Variants in CDH13 observed in about 807,000 individuals in gnomAD.
CDH13 encodes the protein cadherin 13.
Under a neutral mutation model 63.8 loss-of-function variants are expected in CDH13, and 24 were observed. The ratio of observed to expected loss-of-function variants is 0.38; its 90% CI spans 0.27 to 0.53. The LOEUF (loss-of-function observed/expected upper bound fraction) is 0.53. Among genes scored for constraint, CDH13 ranks in the 20% least tolerant of loss-of-function variants. CDH13 has a pLI of 0.85. For synonymous variants in CDH13, 503 were observed against 355.3 expected (o/e 1.42, Z -4.67); for missense variants, 1,049 against 903.1 (o/e 1.16, Z -2.07).
intron 11 of CDH13, among the ~76,000 whole-genome samples, chr16:83,776,684 C>T (rs1260208044): frequency 1.3e-5 from 2 of 152,196 alleles, no homozygotes; most frequent in Non-Finnish European, 2.9e-5. Flanking sequence ...TCACCAGTAA[C>T]ATTCTCCTTA....
intron 12 of CDH13, among the ~76,000 whole-genome samples, chr16:83,781,960 G>C (rs199683632): frequency 6.6e-6 from 1 of 151,530 alleles, no homozygotes; most frequent in East Asian, 1.9e-4. Context: ...AAAAAAGATT[G>C]TATCCTCTAC....
intron 1 of CDH13, among the ~76,000 whole-genome samples, chr16:82,784,143 A>G (rs1173109177): frequency 6.6e-6 from 1 of 152,122 alleles, no homozygotes; most frequent in African/African-American, 2.4e-5. Flanking sequence ...AACAGAACAG[A>G]TGTTCTTATC....
chr16:83,102,873 A>G (rs12929690), intron 3 of CDH13, among the ~76,000 whole-genome samples: 58,371 of 147,888 alleles, frequency 0.39, 11,816 homozygotes, highest in Middle Eastern at 0.61. Context: ...CTGAACTGGA[A>G]GAGACAGTGA....
chr16:83,772,569 A>G (rs1914830502), intron 11 of CDH13, among the ~76,000 whole-genome samples: 4 of 152,240 alleles, frequency 2.6e-5, no homozygotes, highest in African/African-American at 9.6e-5. Context: ...ATATTTTTAC[A>G]AAACACTTCA....
At chr16:82,720,959 C>T (rs2032733421) in intron 1 of CDH13, among the ~76,000 whole-genome samples, 1 of 152,146 alleles carries the variant, frequency 6.6e-6, no homozygotes, top group Non-Finnish European at 1.5e-5. Flanking sequence ...GAGAAGGGAT[C>T]AAGAACCTGA....
chr16:83,543,281 C>A (rs1000542692), intron 7 of CDH13, among the ~76,000 whole-genome samples: 13 of 152,186 alleles, frequency 8.5e-5, no homozygotes, highest in African/African-American at 2.9e-4. Flanking sequence ...ACATAGCTGT[C>A]ACTCCTCATT....
chr16:82,696,763 C>A (rs184754934), intron 1 of CDH13, among the ~76,000 whole-genome samples: 1 of 152,268 alleles, frequency 6.6e-6, no homozygotes, highest in Admixed American at 6.5e-5. Context: ...AATTTAGTGG[C>A]TTACAAGCAA....
chr16:83,129,791 C>G (rs1019814704), intron 4 of CDH13, among the ~76,000 whole-genome samples: 5 of 152,252 alleles, frequency 3.3e-5, no homozygotes, highest in African/African-American at 4.8e-5. Flanking sequence ...CTGGTCTGCA[C>G]TGAAAAGCTG....
intron 6 of CDH13, among the ~76,000 whole-genome samples, chr16:83,355,836 G>C (rs367989925): frequency 3.9e-5 from 6 of 152,298 alleles, no homozygotes; most frequent in East Asian, 1.9e-4. Context: ...GGAGGGAGAT[G>C]ATGCCTGTCC....
intron 2 of CDH13, among the ~76,000 whole-genome samples, chr16:82,887,182 C>G (rs572389296): frequency 6.6e-6 from 1 of 152,094 alleles, no homozygotes; most frequent in Non-Finnish European, 1.5e-5. Flanking sequence ...GGACAGAGGT[C>G]GGAAAACTTT....
At chr16:83,511,298 C>T (rs1480810347) in intron 7 of CDH13, among the ~76,000 whole-genome samples, 1 of 152,120 alleles carries the variant, frequency 6.6e-6, no homozygotes, top group East Asian at 1.9e-4. Flanking sequence ...CACATCTCTA[C>T]TAAAAATACA....
chr16:83,102,765 A>T (rs1442484536), intron 3 of CDH13, among the ~76,000 whole-genome samples: 2 of 152,070 alleles, frequency 1.3e-5, no homozygotes, highest in Non-Finnish European at 2.9e-5. Context: ...GGTGGTGGGA[A>T]TTGGATAAGG....
At chr16:83,593,593 A>C (rs1426433247) in intron 7 of CDH13, among the ~76,000 whole-genome samples, 1 of 151,330 alleles carries the variant, frequency 6.6e-6, no homozygotes, top group African/African-American at 2.4e-5. Context: ...TTTATGTAAT[A>C]GTGTATAAAC....
At chr16:82,979,854 G>A (rs143728939) in intron 2 of CDH13, among the ~76,000 whole-genome samples, 124 of 152,258 alleles carry the variant, frequency 8.1e-4, no homozygotes, top group Non-Finnish European at 1.5e-3. Flanking sequence ...GTGTGGCACA[G>A]TCATTAGAAA....
chr16:83,429,938 T>C (rs1394581117), intron 6 of CDH13, among the ~76,000 whole-genome samples: 1 of 152,204 alleles, frequency 6.6e-6, no homozygotes, highest in Non-Finnish European at 1.5e-5. Context: ...CATTGATTAT[T>C]AATTCCTCAT....
intron 13 of CDH13, chr16:83,789,832 A>T (rs1393686937): frequency 6.6e-6 from 1 of 152,126 alleles, no homozygotes; most frequent in Non-Finnish European, 1.5e-5. Context: ...TTATTGGAAC[A>T]CAGCCGCGCC....
intron 1 of CDH13, among the ~76,000 whole-genome samples, chr16:82,726,554 G>A (rs1406467137): frequency 6.6e-6 from 1 of 152,172 alleles, no homozygotes; most frequent in African/African-American, 2.4e-5. Context: ...CTGACCTCTG[G>A]ATTACAGTCT....
chr16:83,412,641 G>T (rs2151458978), intron 6 of CDH13, among the ~76,000 whole-genome samples: 1 of 152,300 alleles, frequency 6.6e-6, no homozygotes, highest in Non-Finnish European at 1.5e-5. Flanking sequence ...AGAAGGTGGG[G>T]TGGGGCACAT....
intron 7 of CDH13, among the ~76,000 whole-genome samples, chr16:83,490,143 G>A (rs1345184519): frequency 6.6e-6 from 1 of 151,934 alleles, no homozygotes; most frequent in Non-Finnish European, 1.5e-5. Context: ...AATCCCATTG[G>A]GTGACACGAG....
Sources: allele counts gnomAD v4.1 joint callset (sites outside exome capture counted in the v4.1 genomes callset), GRCh38; gene constraint gnomAD v4.1.1; transcripts MANE v1.5; gene names NCBI Gene and HGNC (gene_info 2026-07-23, HGNC 2026-07-21).